Variants in SLIT3 observed in about 807,000 individuals in gnomAD.
The protein encoded by SLIT3 is slit homolog 3 protein.
SLIT3 carries 68 observed loss-of-function variants against 184.0 expected under a neutral mutation model. The ratio of observed to expected loss-of-function variants is 0.37; its 90% CI spans 0.30 to 0.45. The LOEUF is 0.45. SLIT3 is among the 20% of genes least tolerant of loss of function. The probability of loss-of-function intolerance (pLI) is 1.00; values close to 1 mark genes in which losing one functional copy is unlikely to be tolerated. For missense variants in SLIT3, 1,707 were observed against 2,026.0 expected, an observed-to-expected ratio of 0.84 and a Z score of 3.02; for synonymous variants, 831 against 828.6, an observed-to-expected ratio of 1.00 and a Z score of -0.05.
chr5:168,834,789 G>A (rs78593871), intron 6 of SLIT3, among the ~76,000 whole-genome samples: 2,350 of 144,000 alleles, frequency 0.016, 64 homozygotes, highest in African/African-American at 0.057. Context: ...AAAAGACACT[G>A]TTTAAACATT....
At chr5:168,952,528 CAAAAAA>C (rs372134778) in intron 4 of SLIT3, among the ~76,000 whole-genome samples, 34,457 of 77,860 alleles carry the variant, frequency 0.44, 4,658 homozygotes, top group Admixed American at 0.5. Context: ...GGGAAAATGC[CAAAAAA>C]AAAAAAAAAA....
chr5:168,713,856 T>C (rs1284149251), intron 23 of SLIT3, among the ~76,000 whole-genome samples: 1 of 152,246 alleles, frequency 6.6e-6, no homozygotes, highest in Non-Finnish European at 1.5e-5. Flanking sequence ...ATTCTGCATT[T>C]CTGACAAACT....
chr5:168,917,617 C>T (rs1761487287), intron 4 of SLIT3, among the ~76,000 whole-genome samples: 1 of 152,162 alleles, frequency 6.6e-6, no homozygotes, highest in Non-Finnish European at 1.5e-5. Context: ...CCCTGTCAGC[C>T]TTCTCTCTAA....
At chr5:169,129,155 T>C (rs80055808) in intron 4 of SLIT3, among the ~76,000 whole-genome samples, 2,179 of 152,240 alleles carry the variant, frequency 0.014, 56 homozygotes, top group African/African-American at 0.05. Context: ...CTCCATTGTT[T>C]CCCTGTGTTT....
intron 1 of SLIT3, among the ~76,000 whole-genome samples, chr5:169,295,463 G>T (rs1051719630): frequency 6.6e-6 from 1 of 152,232 alleles, no homozygotes; most frequent in Non-Finnish European, 1.5e-5. Context: ...CATGAAGACC[G>T]TGCGCTCATC....
At chr5:168,753,817 C>T (rs1420186574) in intron 17 of SLIT3, 47 bp downstream of exon 17, 2 of 1,588,880 alleles carry the variant, frequency 1.3e-6, no homozygotes, top group East Asian at 4.5e-5. Context: ...CCCCTGCCCT[C>T]CCGTCTCCCT....
At chr5:168,789,677 G>T in intron 10 of SLIT3, 46 bp from the exon 11 acceptor site, 2 of 1,423,980 alleles carry the variant, frequency 1.4e-6, no homozygotes, top group Non-Finnish European at 2.0e-6. Flanking sequence ...TCAAAGGTGC[G>T]ATAACGGTCA....
Position 168,908,320 on chromosome 5 carries a change from C to T in SLIT3, c.414-24984G>A, listed in dbSNP as rs1477442243. On this transcript the variant is annotated intron_variant, in intron 4 of 35. Coordinates refer to ENST00000519560, the MANE Select transcript of SLIT3 (RefSeq NM_003062.4). ...GACGAGTCACCTGGGTCGTCCTGAC[C>T]TTCTCATACCCTTGCCCTCTCCTAA... Among the ~76,000 whole-genome samples the T allele has an allele frequency of 2.0e-5, 3 of 152,174 alleles. No individual in the cohort carries two copies. The South Asian group carries it at 6.2e-4, about 32-fold the overall frequency.
At chr5:169,278,315 G>A (rs1039626646) in intron 1 of SLIT3, among the ~76,000 whole-genome samples, 1 of 152,210 alleles carries the variant, frequency 6.6e-6, no homozygotes, top group Non-Finnish European at 1.5e-5. Flanking sequence ...AAGCCCACTT[G>A]GTAACACCTG....
At chr5:169,058,664 T>TGCTTTCCTGTGAGGGGACAGGATGTGAA (rs1758085351) in intron 4 of SLIT3, among the ~76,000 whole-genome samples, 1 of 152,260 alleles carries the variant, frequency 6.6e-6, no homozygotes, top group East Asian at 1.9e-4. Flanking sequence ...TCTGTCTGAA[T>TGCTTTCCTGTGAGGGGACAGGATGTGAA]GCTTTCCTGT....
intron 4 of SLIT3, among the ~76,000 whole-genome samples, chr5:168,907,018 G>C (rs1019338365): frequency 6.6e-6 from 1 of 152,048 alleles, no homozygotes. Context: ...ACGCCACCAA[G>C]CCCGGCTAAT....
chr5:169,044,790 G>A (rs2113035726), intron 4 of SLIT3, among the ~76,000 whole-genome samples: 1 of 152,298 alleles, frequency 6.6e-6, no homozygotes, highest in South Asian at 2.1e-4. Flanking sequence ...GGCCAGGGTT[G>A]CTAGAAAGAG....
chr5:168,940,927 G>T (rs551192649), intron 4 of SLIT3, among the ~76,000 whole-genome samples: 1 of 152,244 alleles, frequency 6.6e-6, no homozygotes, highest in South Asian at 2.1e-4. Flanking sequence ...AACCACTCAG[G>T]ATCCCCCAGG....
intron 6 of SLIT3, among the ~76,000 whole-genome samples, chr5:168,842,469 G>GTTTTT (rs778998998): frequency 0.01 from 907 of 87,952 alleles, 47 homozygotes; most frequent in East Asian, 0.017. Flanking sequence ...CCGTTTTTTC[G>GTTTTT]TTTTTTTTTT....
At chr5:169,089,659 G>A (rs149103040) in intron 4 of SLIT3, among the ~76,000 whole-genome samples, 68 of 152,272 alleles carry the variant, frequency 4.5e-4, no homozygotes, top group African/African-American at 1.5e-3. Flanking sequence ...CTCTGTACCT[G>A]TCAGATCTCA....
intron 4 of SLIT3, among the ~76,000 whole-genome samples, chr5:169,020,212 A>G (rs1756546131): frequency 6.6e-6 from 1 of 152,230 alleles, no homozygotes. Flanking sequence ...AAGGGTAGTG[A>G]GACTGGCTGG....
intron 4 of SLIT3, among the ~76,000 whole-genome samples, chr5:169,052,117 C>T (rs1419999993): frequency 1.3e-5 from 2 of 151,674 alleles, no homozygotes; most frequent in East Asian, 1.9e-4. Context: ...TTTATTTCCC[C>T]TTTAAAACTT....
At chr5:169,216,371 T>C (rs1285243396) in intron 3 of SLIT3, among the ~76,000 whole-genome samples, 1 of 152,194 alleles carries the variant, frequency 6.6e-6, no homozygotes, top group Non-Finnish European at 1.5e-5. Flanking sequence ...TTCCCTTCTC[T>C]CACCATTTTT....
At chr5:168,729,186 G>A (rs1304849975) in intron 20 of SLIT3, among the ~76,000 whole-genome samples, 1 of 151,960 alleles carries the variant, frequency 6.6e-6, no homozygotes, top group South Asian at 2.1e-4. Flanking sequence ...TATTACCAAG[G>A]GGGAAAAGAG....
Sources: gnomAD v4.1 joint callset for allele counts (sites outside exome capture counted in the v4.1 genomes callset) on GRCh38, gnomAD v4.1.1 for gene constraint, MANE v1.5 for transcripts, NCBI Gene and HGNC (gene_info 2026-07-23, HGNC 2026-07-21) for gene names.